LRRIQ1: variants seen among roughly 807,000 people sequenced by gnomAD.
The protein encoded by LRRIQ1 is leucine-rich repeat- and IQ domain-containing protein 1.
LRRIQ1 carries 210 observed loss-of-function variants against 211.9 expected under a neutral mutation model. The ratio of observed to expected loss-of-function variants is 0.99; its 90% CI spans 0.89 to 1.11. The LOEUF (loss-of-function observed/expected upper bound fraction) is 1.11, where lower values mean the gene tolerates loss of function less well. Among genes scored for constraint, LRRIQ1 ranks in the 50% most tolerant of loss-of-function variants. LRRIQ1 has a pLI of 0.00. For missense variants in LRRIQ1, 2,136 were observed against 1,939.5 expected, an observed-to-expected ratio of 1.10 and a Z score of -1.90; for synonymous variants, 699 against 650.1, an observed-to-expected ratio of 1.08 and a Z score of -1.14.
Position 85,038,284 on chromosome 12 carries a change from A to C in LRRIQ1, c.108A>C (p.Glu36Asp). The stretch of plus-strand genomic sequence containing the variant: ...ACATTGAGAGTGATGCAAAATCAGA[A>C]ACCCAGAGTGATGATAGTGATACAG... ...KEDIESDAKSETQSDDSDTDS... is the reference protein window; with the variant it reads ...KEDIESDAKSDTQSDDSDTDS... The change falls in exon 2 of 27, where the codon GAA becomes GAC. Residue 36 changes from glutamate to aspartate, a missense_variant. Physicochemically the swap from Glu to Asp is conservative, Grantham distance 45. Transcript: ENST00000393217. The C allele has an allele frequency of 1.3e-6, 2 of 1,582,782 alleles. No homozygotes were observed. Among genetic ancestry groups the C allele is most frequent in the Non-Finnish European group, 1.7e-6 (2 of 1,162,844 alleles).
At chr12:85,102,081 T>C (rs1349995224) in intron 13 of LRRIQ1, among the ~76,000 whole-genome samples, 2 of 151,686 alleles carry the variant, frequency 1.3e-5, no homozygotes, top group Admixed American at 6.6e-5. Flanking sequence ...CAGAAACAAT[T>C]TTCTTTTTAA....
chr12:85,108,327 A>G (rs1886929025), intron 15 of LRRIQ1, among the ~76,000 whole-genome samples: 1 of 152,060 alleles, frequency 6.6e-6, no homozygotes, highest in East Asian at 1.9e-4. Context: ...CAGATGTCTC[A>G]TATAGAGACA....
chr12:85,064,112 C>T lies in LRRIQ1; in HGVS notation c.2392-1150C>T, dbSNP rs969294511. 2.0e-5 allele frequency among the ~76,000 whole-genome samples: 3 copies of T among 151,868 alleles called. No homozygotes were observed. In the East Asian group the frequency reaches 5.8e-4, roughly 30 times the overall value. On this transcript the variant is annotated intron_variant, in intron 8 of 26. Coordinates refer to ENST00000393217, the MANE Select transcript of LRRIQ1 (RefSeq NM_001079910.2). ...TTGTTTGAGGAATCTCCAAACTGTT[C>T]TCCACGGTGGCTGTACTAATTCACA...
Position 85,065,340 on chromosome 12 carries a change from T to C in LRRIQ1, c.2470T>C (p.Ser824Pro). Residue 824 changes from serine (S) to proline (P), a missense_variant, in exon 9 of 27, where the codon TCC (serine) becomes CCC (proline). Ser to Pro is a moderately conservative substitution (Grantham distance 74). Transcript: ENST00000393217. ...LAECTNLQFL[S>P]LRRCGLTSLH... ...AGAGTGTACAAATCTTCAGTTTCTA[T>C]CCCTTCGACGCTGTGGATTAACTTC... is the stretch of plus-strand genomic sequence containing the variant. 6.2e-7 allele frequency: 1 copy of C among 1,611,140 alleles called. No homozygotes were observed. The highest frequency in any genetic ancestry group is 1.1e-5 in the South Asian group (1 of 91,002).
At chr12:85,263,097 T>G (rs1346601848) in exon 2 of LRRIQ1, 42 of 986,516 alleles carry the variant, frequency 4.3e-5, no homozygotes, top group Non-Finnish European at 5.1e-5. Context: ...TGTGGCAAAC[T>G]GTTTCATGAA....
intron 24 of LRRIQ1, among the ~76,000 whole-genome samples, chr12:85,161,393 C>T (rs2136733835): frequency 6.6e-6 from 1 of 151,834 alleles, no homozygotes; most frequent in South Asian, 2.1e-4. Flanking sequence ...AAAAATTGTA[C>T]TACTTTTTTA....
At position 85,044,709 on chromosome 12, in the gene LRRIQ1, T is replaced by A; in HGVS notation, c.245-9T>A. Reference sequence around the variant, plus strand: ...TATTGGAAGTTATATACATTTTTTCTTTCTCTAGGCTGTAGTTATGGAGCA... The same window carrying A: ...TATTGGAAGTTATATACATTTTTTCATTCTCTAGGCTGTAGTTATGGAGCA... On this transcript the variant is annotated splice_polypyrimidine_tract_variant and intron_variant, in intron 3 of 26. Transcript: ENST00000393217. 1 of 1,425,976 alleles carries A rather than the reference T, an allele frequency of 7.0e-7. No homozygotes were observed. The highest frequency in any genetic ancestry group is 1.9e-5 in the Admixed American group (1 of 53,310). 88.3% of individuals were successfully genotyped at this position (1,425,976 alleles called of 1,614,324 possible). A position where few individuals can be genotyped will look rare whatever the true frequency, so the allele number is the denominator to read the frequency against.
chr12:85,138,347 C>T (rs921030350), intron 19 of LRRIQ1, among the ~76,000 whole-genome samples: 1 of 151,502 alleles, frequency 6.6e-6, no homozygotes, highest in African/African-American at 2.4e-5. Context: ...TGTCATTTTT[C>T]CTTAGTCTCC....
At chr12:85,134,500 A>G (rs1236153880) in intron 18 of LRRIQ1, among the ~76,000 whole-genome samples, 1 of 151,998 alleles carries the variant, frequency 6.6e-6, no homozygotes, top group Non-Finnish European at 1.5e-5. Flanking sequence ...TGTGCCTTGT[A>G]TATAATAGAC....
intron 24 of LRRIQ1, among the ~76,000 whole-genome samples, chr12:85,168,081 A>G (rs1891238329): frequency 6.6e-6 from 1 of 152,230 alleles, no homozygotes; most frequent in South Asian, 2.1e-4. Flanking sequence ...TTAATGAAAT[A>G]AGAAGAAAAT....
chr12:85,147,603 G>A (rs947866066), intron 19 of LRRIQ1, among the ~76,000 whole-genome samples: 10 of 151,680 alleles, frequency 6.6e-5, no homozygotes, highest in African/African-American at 2.4e-4. Flanking sequence ...ACTGAACCAG[G>A]CTCAAGAATT....
chr12:85,125,452 G>C (rs1257614240), intron 17 of LRRIQ1, among the ~76,000 whole-genome samples: 1 of 152,056 alleles, frequency 6.6e-6, no homozygotes, highest in Non-Finnish European at 1.5e-5. Context: ...ATTTCTTCTT[G>C]TTCTTTTTAC....
chr12:85,107,107 AG>A (rs1886836093), intron 15 of LRRIQ1, among the ~76,000 whole-genome samples: 1 of 152,154 alleles, frequency 6.6e-6, no homozygotes, highest in African/African-American at 2.4e-5. Context: ...ATGTAAACCA[AG>A]AAAAATATTT....
At chr12:85,174,406 G>A (rs1891578860) in intron 24 of LRRIQ1, among the ~76,000 whole-genome samples, 1 of 151,658 alleles carries the variant, frequency 6.6e-6, no homozygotes, top group African/African-American at 2.4e-5. Context: ...TAAATAATCA[G>A]AGATCCAGGC....
chr12:85,040,478 T>G lies in LRRIQ1; in HGVS notation c.133-12T>G, dbSNP rs750755767. The stretch of plus-strand genomic sequence containing the variant: ...ACACTTTCACAGTTTCTTGTATTAT[T>G]CAAATTTTTAGGATTCAGTTGAATT... On this transcript the variant is annotated splice_polypyrimidine_tract_variant and intron_variant, in intron 2 of 26. Transcript: ENST00000393217. 8 of 1,478,994 alleles carry G rather than the reference T, an allele frequency of 5.4e-6. No homozygotes were observed. Among genetic ancestry groups the G allele is most frequent in the Non-Finnish European group, 6.4e-6 (7 of 1,087,230 alleles). 91.6% of individuals were successfully genotyped at this position (1,478,994 alleles called of 1,614,324 possible).
chr12:85,135,197 T>C (rs992806473), intron 18 of LRRIQ1, among the ~76,000 whole-genome samples: 9 of 152,026 alleles, frequency 5.9e-5, no homozygotes, highest in African/African-American at 2.2e-4. Context: ...ATTTGTCCTA[T>C]AGGGTTTTCC....
chr12:85,165,893 G>A (rs1392040047), intron 24 of LRRIQ1, among the ~76,000 whole-genome samples: 4 of 152,054 alleles, frequency 2.6e-5, no homozygotes, highest in Non-Finnish European at 4.4e-5. Flanking sequence ...GACTAGTGCC[G>A]CGATGTACAT....
In LRRIQ1 at chr12:85,138,892, G is replaced by C. The variant is rs77020220; in HGVS notation, c.4329+923G>C. 3.2e-4 allele frequency among the ~76,000 whole-genome samples: 48 copies of C among 151,472 alleles called. 1 individual carries two copies. Among genetic ancestry groups the C allele is most frequent in the African/African-American group, 1.1e-3 (44 of 41,458 alleles). ...AACCTGACCATGAAGTTTATACTCT[G>C]ATCATTGTAATCATGGTAGTCTTAC... On this transcript the variant is annotated intron_variant, in intron 19 of 26. Transcript: ENST00000393217.
intron 26 of LRRIQ1, among the ~76,000 whole-genome samples, chr12:85,241,556 T>C (rs1320340979): frequency 6.6e-6 from 1 of 151,880 alleles, no homozygotes; most frequent in African/African-American, 2.4e-5. Context: ...ATAAATGAAC[T>C]AAATCTAGAT....
Sources: allele counts gnomAD v4.1 joint callset (sites outside exome capture counted in the v4.1 genomes callset), GRCh38; gene constraint gnomAD v4.1.1; transcripts MANE v1.5; gene names NCBI Gene and HGNC (gene_info 2026-07-23, HGNC 2026-07-21).